The following PTP4A3 variants were observed in gnomAD, a reference collection of about 807,000 sequenced individuals.
The protein encoded by PTP4A3 is protein tyrosine phosphatase 4A3.
A neutral mutation model predicts 15.2 loss-of-function variants in PTP4A3; 9 were observed. The ratio of observed to expected loss-of-function variants is 0.59; its 90% CI spans 0.36 to 1.03. PTP4A3 has a LOEUF of 1.03. PTP4A3 is among the 50% of genes least tolerant of loss of function. The probability of loss-of-function intolerance (pLI) is 0.02; values close to 1 mark genes in which losing one functional copy is unlikely to be tolerated. For missense variants in PTP4A3, 234 were observed against 252.1 expected (o/e 0.93, Z 0.49); for synonymous variants, 95 against 102.0 (o/e 0.93, Z 0.41).
intron 2 of PTP4A3, 86 bp from the exon 3 acceptor site, chr8:141,424,962 G>T (rs1440716985): frequency 3.5e-6 from 4 of 1,128,906 alleles, no homozygotes; most frequent in Non-Finnish European, 5.2e-6. Context: ...ACACAGCTGT[G>T]CCCTGGGAGC....
chr8:141,422,042 G>C lies in PTP4A3; in HGVS notation c.-199G>C. ...TCTTTTTTAATTATCCAAACAGTGG[G>C]CAGCTTCCTCCCCCACACCCAAGTA... On this transcript the variant is annotated 5_prime_UTR_variant, in exon 2 of 6. Coordinates refer to ENST00000521578, the MANE Select transcript of PTP4A3 (RefSeq NM_032611.3). 2 of 541,148 alleles carry C rather than the reference G, an allele frequency of 3.7e-6. No homozygotes were observed. Among genetic ancestry groups the C allele is most frequent in the South Asian group, 5.0e-5 (2 of 39,834 alleles). The allele number at this position is 541,148 out of a possible 1,614,324, so 33.5% of individuals were successfully genotyped here.
intron 2 of PTP4A3, among the ~76,000 whole-genome samples, chr8:141,423,289 G>T (rs1357010939): frequency 6.6e-6 from 1 of 152,206 alleles, no homozygotes; most frequent in Non-Finnish European, 1.5e-5. Context: ...TGTCCCTCTC[G>T]CAGCTGAGAC....
chr8:141,428,719 G>A (rs1031880054), intron 5 of PTP4A3, among the ~76,000 whole-genome samples: 5 of 152,220 alleles, frequency 3.3e-5, no homozygotes, highest in Non-Finnish European at 7.4e-5. Context: ...GGATGTGCAC[G>A]CTCACACACA....
rs1030471858 is a variant in PTP4A3 at position 141,422,085 on chromosome 8, C to T, written c.-156C>T. The T allele has an allele frequency of 1.1e-5, 7 of 619,864 alleles. No homozygotes were observed. The highest frequency in any genetic ancestry group is 3.8e-5 in the African/African-American group (2 of 53,300). 38.4% of individuals were successfully genotyped at this position (619,864 alleles called of 1,614,324 possible). On this transcript the variant is annotated 5_prime_UTR_variant, in exon 2 of 6. Coordinates refer to ENST00000521578, the MANE Select transcript of PTP4A3 (RefSeq NM_032611.3). ...CCCAAGTATTTGCACAATATTTGTG[C>T]GGGGTATGGGGGTGGGTTTTTAAAT...
intron 1 of PTP4A3, among the ~76,000 whole-genome samples, chr8:141,394,443 C>T (rs914376431): frequency 2.6e-5 from 4 of 152,216 alleles, no homozygotes; most frequent in Non-Finnish European, 5.9e-5. Flanking sequence ...TTCTCCCCAC[C>T]TCCACCCTGG....
chr8:141,413,868 G>T (rs7845835), intron 1 of PTP4A3, among the ~76,000 whole-genome samples: 63,823 of 150,708 alleles, frequency 0.42, 15,769 homozygotes, highest in African/African-American at 0.69. Flanking sequence ...TGAAAGATGC[G>T]GTATGGACAG....
At chr8:141,401,978 A>G (rs571864928) in intron 1 of PTP4A3, among the ~76,000 whole-genome samples, 1 of 152,300 alleles carries the variant, frequency 6.6e-6, no homozygotes, top group Non-Finnish European at 1.5e-5. Flanking sequence ...CCGTGATGCC[A>G]GGGCCATTCC....
In PTP4A3 at chr8:141,421,963, GT is replaced by G. The variant is rs1833350747; in HGVS notation, c.-276del. 3 of 432,336 alleles carry G rather than the reference GT, an allele frequency of 6.9e-6. No individual in the cohort carries two copies. Among genetic ancestry groups the G allele is most frequent in the Non-Finnish European group, 1.2e-5 (3 of 244,054 alleles). 26.8% of individuals were successfully genotyped at this position (432,336 alleles called of 1,614,324 possible). On this transcript the variant is annotated 5_prime_UTR_variant, in exon 2 of 6. Coordinates refer to ENST00000521578, the MANE Select transcript of PTP4A3 (RefSeq NM_032611.3). ...GAGTTGCCCGCTTTACTTTGGTTGG[GT>G]TGGGGGGGGCGGCGGGCTGTTTTGT...
intron 1 of PTP4A3, among the ~76,000 whole-genome samples, chr8:141,414,570 G>C (rs1298807553): frequency 1.3e-4 from 20 of 152,000 alleles, no homozygotes; most frequent in Admixed American, 1.3e-3. Context: ...GAGAGGTTCG[G>C]GCAGGTGGCT....
At chr8:141,421,251 C>T (rs1331019466) in intron 1 of PTP4A3, 137 bp from the exon 2 acceptor site, 5 of 152,338 alleles carry the variant, frequency 3.3e-5, no homozygotes, top group African/African-American at 1.2e-4. Flanking sequence ...AAGGGTCATT[C>T]TCTCAGCATG....
chr8:141,399,875 G>A (rs544467562), intron 1 of PTP4A3, among the ~76,000 whole-genome samples: 1 of 152,346 alleles, frequency 6.6e-6, no homozygotes, highest in South Asian at 2.1e-4. Context: ...TGGGGGAGAG[G>A]CGACATTTGA....
chr8:141,428,327 C>T (rs1833683269), intron 5 of PTP4A3, among the ~76,000 whole-genome samples: 1 of 151,608 alleles, frequency 6.6e-6, no homozygotes, highest in East Asian at 1.9e-4. Flanking sequence ...TCTAGGCCAG[C>T]TCGCCTGCCC....
chr8:141,414,569 G>A (rs1046484825), intron 1 of PTP4A3, among the ~76,000 whole-genome samples: 2 of 152,000 alleles, frequency 1.3e-5, no homozygotes, highest in Non-Finnish European at 2.9e-5. Context: ...GGAGAGGTTC[G>A]GGCAGGTGGC....
chr8:141,396,011 C>G, intron 1 of PTP4A3, among the ~76,000 whole-genome samples: 1 of 152,220 alleles, frequency 6.6e-6, no homozygotes, highest in South Asian at 2.1e-4. Flanking sequence ...CCACCTGCCC[C>G]CGCCAACCCT....
chr8:141,427,705 G>T (rs1357511851), intron 4 of PTP4A3, 45 bp from the exon 5 acceptor site: 1 of 1,508,410 alleles, frequency 6.6e-7, no homozygotes, highest in Non-Finnish European at 9.0e-7. Context: ...AAGGGGACAG[G>T]GGTGCGCAGG....
intron 1 of PTP4A3, among the ~76,000 whole-genome samples, chr8:141,399,964 T>C (rs1217267030): frequency 6.6e-6 from 1 of 152,236 alleles, no homozygotes; most frequent in Admixed American, 6.5e-5. Flanking sequence ...TGGAATACAG[T>C]GGCACGATCT....
At chr8:141,428,118 T>C (rs916063345) in intron 5 of PTP4A3, among the ~76,000 whole-genome samples, 8 of 151,394 alleles carry the variant, frequency 5.3e-5, no homozygotes, top group African/African-American at 1.9e-4. Context: ...CTGACGGGGG[T>C]GGAAGGACCC....
At chr8:141,408,609 CTCTG>C (rs1227395598) in intron 1 of PTP4A3, among the ~76,000 whole-genome samples, 1 of 145,724 alleles carries the variant, frequency 6.9e-6, no homozygotes, top group Non-Finnish European at 1.5e-5. Flanking sequence ...CAGAGCGAGA[CTCTG>C]TCTGAAAAAA....
rs376817957 is a variant in PTP4A3, at chr8:141,422,652, T to C, written c.105+307T>C. Among the ~76,000 whole-genome samples the C allele has an allele frequency of 4.5e-4, 69 of 152,258 alleles. No individual in the cohort carries two copies. The East Asian group carries it at 0.012, about 27-fold the overall frequency. The stretch of plus-strand genomic sequence containing the variant: ...GCAGGGGGTGAGGCAGGGGGATACA[T>C]GGACCAGGCTGTGCGTGCTCAGCCG... On this transcript the variant is annotated intron_variant, in intron 2 of 5. Transcript: ENST00000521578.
Sources: gnomAD v4.1 joint callset for allele counts (sites outside exome capture counted in the v4.1 genomes callset) on GRCh38, gnomAD v4.1.1 for gene constraint, MANE v1.5 for transcripts, NCBI Gene and HGNC (gene_info 2026-07-23, HGNC 2026-07-21) for gene names.